Variants in ABCA1 observed in about 807,000 individuals in gnomAD.
The protein encoded by ABCA1 is phospholipid-transporting ATPase ABCA1.
Under a neutral mutation model 262.5 loss-of-function variants are expected in ABCA1, and 133 were observed. The observed-to-expected ratio is 0.51, with a 90% CI of 0.44 to 0.59. ABCA1 has a LOEUF of 0.59. Ranked by LOEUF, ABCA1 falls within the 20% of genes least tolerant of loss-of-function variation. The pLI is 0.00. For missense variants in ABCA1, 2,452 were observed against 2,777.5 expected, an observed-to-expected ratio of 0.88 and a Z score of 2.63; for synonymous variants, 1,022 against 1,043.5, an observed-to-expected ratio of 0.98 and a Z score of 0.40.
intron 5 of ABCA1, among the ~76,000 whole-genome samples, chr9:104,862,573 T>C (rs944439689): frequency 6.6e-6 from 1 of 150,966 alleles, no homozygotes; most frequent in African/African-American, 2.4e-5. Context: ...AAACAAGCAA[T>C]GGTTCTCAAA....
intron 30 of ABCA1, among the ~76,000 whole-genome samples, 177 bp from the exon 31 acceptor site, chr9:104,806,607 T>C (rs1830789584): frequency 6.6e-6 from 1 of 152,224 alleles, no homozygotes; most frequent in Non-Finnish European, 1.5e-5. Context: ...TTGTACACTG[T>C]GACATCATTT....
chr9:104,820,493 C>T, intron 20 of ABCA1, among the ~76,000 whole-genome samples: 1 of 152,140 alleles, frequency 6.6e-6, no homozygotes, highest in Non-Finnish European at 1.5e-5. Flanking sequence ...CACATGAGCC[C>T]CATGTGTTCA....
intron 10 of ABCA1, 90 bp from the exon 11 acceptor site, chr9:104,837,186 T>C: frequency 8.5e-7 from 1 of 1,177,322 alleles, no homozygotes; most frequent in East Asian, 2.4e-5. Context: ...AGATACCCCA[T>C]CACAGCAGCC....
At chr9:104,903,290 C>A (rs1303579428) in intron 2 of ABCA1, among the ~76,000 whole-genome samples, 4 of 152,102 alleles carry the variant, frequency 2.6e-5, no homozygotes, top group Non-Finnish European at 4.4e-5. Context: ...TTTTGGAGAG[C>A]CAGGTGGCTC....
At chr9:104,800,801 AAGGAAT>A (rs1438690077) in intron 34 of ABCA1, among the ~76,000 whole-genome samples, 1 of 152,204 alleles carries the variant, frequency 6.6e-6, no homozygotes, top group Non-Finnish European at 1.5e-5. Context: ...ACAAGTCTAG[AAGGAAT>A]CACAGAGAAA....
At chr9:104,851,432 T>C (rs1181116346) in intron 7 of ABCA1, among the ~76,000 whole-genome samples, 1 of 152,188 alleles carries the variant, frequency 6.6e-6, no homozygotes, top group African/African-American at 2.4e-5. Flanking sequence ...CAGCTATATC[T>C]GCTCCATGCT....
chr9:104,916,445 A>C (rs1841847683), intron 1 of ABCA1, among the ~76,000 whole-genome samples: 1 of 152,248 alleles, frequency 6.6e-6, no homozygotes. Flanking sequence ...AGGCCAGTCC[A>C]ATATTTAACA....
chr9:104,800,134 G>A lies in ABCA1; in HGVS notation c.4774-146C>T, dbSNP rs547110525. The A allele has an allele frequency of 1.8e-4, 167 of 928,454 alleles. 2 individuals carry two copies. In the South Asian group the frequency reaches 1.9e-3, roughly 11 times the overall value. 57.5% of individuals were successfully genotyped at this position (928,454 alleles called of 1,614,324 possible). The stretch of plus-strand genomic sequence containing the variant: ...AAACACTATGATCAGAGAATATGGC[G>A]AAGTAATTACAGTGTTCAGGACATA... On this transcript the variant is annotated intron_variant, in intron 35 of 49. Transcript: ENST00000374736.
At chr9:104,851,193 C>T (rs980083065) in intron 7 of ABCA1, among the ~76,000 whole-genome samples, 2 of 152,180 alleles carry the variant, frequency 1.3e-5, no homozygotes, top group Non-Finnish European at 2.9e-5. Context: ...TCTTTCCATC[C>T]TCATGAACTT....
At chr9:104,829,206 C>G in intron 14 of ABCA1, 68 bp from the exon 15 acceptor site, 1 of 1,522,576 alleles carries the variant, frequency 6.6e-7, no homozygotes, top group Non-Finnish European at 9.0e-7. Context: ...TGGGCCAAGG[C>G]CTCTGAGCCT....
intron 19 of ABCA1, among the ~76,000 whole-genome samples, chr9:104,822,028 T>C (rs4149315): frequency 0.06 from 9,194 of 152,292 alleles, 473 homozygotes; most frequent in East Asian, 0.28. Context: ...TGGAAGCCAC[T>C]GAGGCTAACG....
intron 2 of ABCA1, among the ~76,000 whole-genome samples, chr9:104,895,171 C>A (rs1446489921): frequency 1.3e-5 from 2 of 152,252 alleles, no homozygotes; most frequent in Non-Finnish European, 2.9e-5. Flanking sequence ...CAACCCCACA[C>A]CTCCCCATGG....
intron 7 of ABCA1, among the ~76,000 whole-genome samples, chr9:104,846,777 G>C (rs1248449558): frequency 6.6e-6 from 1 of 152,126 alleles, no homozygotes; most frequent in African/African-American, 2.4e-5. Context: ...TCCTCAAAGG[G>C]ACCTACGCGG....
chr9:104,858,424 G>A (rs993399759), intron 7 of ABCA1, 98 bp downstream of exon 7: 32 of 1,287,876 alleles, frequency 2.5e-5, no homozygotes, highest in South Asian at 4.8e-5. Flanking sequence ...CCAGCCAGCC[G>A]TACTTTTCTA....
At chr9:104,859,577 C>T (rs1836164991) in intron 6 of ABCA1, among the ~76,000 whole-genome samples, 2 of 152,172 alleles carry the variant, frequency 1.3e-5, no homozygotes, top group South Asian at 2.1e-4. Context: ...GAGTGATGGA[C>T]CAAAAGCCTC....
intron 5 of ABCA1, among the ~76,000 whole-genome samples, chr9:104,877,761 T>C (rs1156853971): frequency 6.6e-6 from 1 of 152,240 alleles, no homozygotes; most frequent in African/African-American, 2.4e-5. Flanking sequence ...AATCAACACA[T>C]GCCCAAAGTT....
Position 104,814,160 on chromosome 9 carries a change from C to T in ABCA1, c.3859G>A (p.Glu1287Lys). 6.2e-7 allele frequency: 1 copy of T among 1,614,242 alleles called. No individual in the cohort carries two copies. Among genetic ancestry groups the T allele is most frequent in the Non-Finnish European group, 8.5e-7 (1 of 1,180,052 alleles). Residue 1287 changes from glutamate (E) to lysine (K), a missense_variant, in exon 27 of 50, where the codon GAA becomes AAA. Glu to Lys is a moderately conservative substitution (Grantham distance 56). Transcript: ENST00000374736. ...DKQSCLRPFTEDDAADPNDSD... is the reference protein window; with the variant it reads ...DKQSCLRPFTKDDAADPNDSD... The stretch of plus-strand genomic sequence containing the variant: ...TCATTTGGATCAGCAGCATCATCTT[C>T]AGTGAACGGGCGAAGACAGCTCTGC...
chr9:104,837,107 G>T lies in ABCA1; in HGVS notation c.1195-11C>A. 1 of 1,605,900 alleles carries T rather than the reference G, an allele frequency of 6.2e-7. No individual in the cohort carries two copies. The highest frequency in any genetic ancestry group is 8.5e-7 in the Non-Finnish European group (1 of 1,174,438). On this transcript the variant is annotated splice_polypyrimidine_tract_variant and intron_variant, in intron 10 of 49. Coordinates refer to ENST00000374736, the MANE Select transcript of ABCA1 (RefSeq NM_005502.4). Reference sequence around the variant, plus strand: ...GAAGGTCTTGTTCACCTGGAGTCAGGTGGGGAGCCAGGGACCGCAGAAAAA... The same window carrying T: ...GAAGGTCTTGTTCACCTGGAGTCAGTTGGGGAGCCAGGGACCGCAGAAAAA...
intron 2 of ABCA1, among the ~76,000 whole-genome samples, chr9:104,890,899 C>T (rs1839669702): frequency 6.6e-6 from 1 of 152,176 alleles, no homozygotes; most frequent in Non-Finnish European, 1.5e-5. Flanking sequence ...CCCTAGTAAA[C>T]TGAAGTAACA....
Sources: gnomAD v4.1 joint callset for allele counts (sites outside exome capture counted in the v4.1 genomes callset) on GRCh38, gnomAD v4.1.1 for gene constraint, MANE v1.5 for transcripts, NCBI Gene and HGNC (gene_info 2026-07-23, HGNC 2026-07-21) for gene names.